POU2F1: variants seen among roughly 807,000 people sequenced by gnomAD.
The protein encoded by POU2F1 is POU domain, class 2, transcription factor 1.
In POU2F1, 16 loss-of-function variants were observed where a neutral mutation model predicts 84.9. That is an observed-to-expected ratio of 0.19 (90% CI 0.13 to 0.29). POU2F1 has a LOEUF of 0.29. POU2F1 is among the 10% of genes least tolerant of loss of function. The pLI is 1.00. For synonymous variants in POU2F1, 368 were observed against 368.3 expected (o/e 1.00, Z 0.01); for missense variants, 738 against 942.6 (o/e 0.78, Z 2.84).
intron 1 of POU2F1, among the ~76,000 whole-genome samples, chr1:167,270,980 A>C (rs1652328301): frequency 6.6e-6 from 1 of 152,224 alleles, no homozygotes; most frequent in Non-Finnish European, 1.5e-5. Flanking sequence ...TATGAAATGA[A>C]TTATTTCTTG....
At chr1:167,415,339 A>G (rs1280434191) in intron 15 of POU2F1, among the ~76,000 whole-genome samples, 161 bp from the exon 16 acceptor site, 1 of 152,204 alleles carries the variant, frequency 6.6e-6, no homozygotes, top group African/African-American at 2.4e-5. Context: ...TACAATTGGT[A>G]TCAATATAGC....
chr1:167,353,276 G>T (rs1658699745), intron 2 of POU2F1, among the ~76,000 whole-genome samples: 1 of 150,374 alleles, frequency 6.7e-6, no homozygotes, highest in Admixed American at 6.6e-5. Flanking sequence ...TGAAAAAATT[G>T]TAGCTGTCTG....
intron 1 of POU2F1, among the ~76,000 whole-genome samples, chr1:167,317,792 G>A (rs905398903): frequency 3.3e-5 from 5 of 152,182 alleles, no homozygotes; most frequent in African/African-American, 1.2e-4. Context: ...AGATTTTGTT[G>A]ATGGCCATTT....
chr1:167,309,339 T>G (rs1232294684), intron 1 of POU2F1, among the ~76,000 whole-genome samples: 1 of 152,238 alleles, frequency 6.6e-6, no homozygotes, highest in Non-Finnish European at 1.5e-5. Flanking sequence ...CCAAAACTTC[T>G]AATTCCAATT....
intron 1 of POU2F1, among the ~76,000 whole-genome samples, chr1:167,247,577 C>A (rs918110035): frequency 1.3e-5 from 2 of 152,096 alleles, no homozygotes; most frequent in African/African-American, 2.4e-5. Flanking sequence ...TACTAGGCTT[C>A]TATCAATTGG....
At chr1:167,329,227 A>T (rs947445857) in intron 1 of POU2F1, 1 of 1,542,836 alleles carries the variant, frequency 6.5e-7, no homozygotes. Context: ...CCAAACTGCT[A>T]CCTGTTTCTT....
intron 2 of POU2F1, among the ~76,000 whole-genome samples, chr1:167,337,059 A>C (rs1214391931): frequency 6.6e-6 from 1 of 152,022 alleles, no homozygotes; most frequent in Non-Finnish European, 1.5e-5. Context: ...GCTACTCTGG[A>C]AGCTGAGGTA....
intron 1 of POU2F1, among the ~76,000 whole-genome samples, chr1:167,249,197 C>G (rs778997634): frequency 4.6e-5 from 7 of 152,282 alleles, no homozygotes; most frequent in East Asian, 3.9e-4. Context: ...CAAGCTTTCC[C>G]TAGTAACCAG....
rs140930737 is a variant in POU2F1, at chr1:167,391,456, G to A, written c.987+1695G>A. On this transcript the variant is annotated intron_variant, in intron 9 of 15. Transcript: ENST00000367866. ...TCAAATTATTTTGTGTTGAAAGTAC[G>A]GTAATGCTCCACCTGGCCTGGTAGG... Among the ~76,000 whole-genome samples the A allele has an allele frequency of 7.3e-3, 1,103 of 151,494 alleles. 6 individuals carry two copies. The highest frequency in any genetic ancestry group is 0.012 in the South Asian group (57 of 4,792).
Position 167,221,559 on chromosome 1 carries a change from G to T in POU2F1, c.61+601G>T, listed in dbSNP as rs1049829669. ...TCTTCCCCCGGGAGCGGGCCCGGGC[G>T]GGGGGGCGCTGCCCGCCTTGGGGGG... On this transcript the variant is annotated intron_variant, in intron 1 of 15. Coordinates refer to ENST00000367866, the MANE Select transcript of POU2F1 (RefSeq NM_002697.4). Among the ~76,000 whole-genome samples the T allele has an allele frequency of 4.0e-5, 6 of 149,596 alleles. No homozygotes were observed. The South Asian group carries it at 8.3e-4, about 21-fold the overall frequency.
At chr1:167,362,612 A>C (rs1393576138) in intron 2 of POU2F1, among the ~76,000 whole-genome samples, 1 of 152,200 alleles carries the variant, frequency 6.6e-6, no homozygotes, top group African/African-American at 2.4e-5. Flanking sequence ...CCTAGGCTCA[A>C]AGGATCCTTC....
intron 15 of POU2F1, chr1:167,414,380 A>T (rs570450623): frequency 1.0e-6 from 1 of 985,426 alleles, no homozygotes; most frequent in South Asian, 4.7e-5. Context: ...ATCTCAGAAA[A>T]ACTTCAAGCT....
At chr1:167,326,588 C>T (rs761723652) in intron 1 of POU2F1, among the ~76,000 whole-genome samples, 3 of 152,160 alleles carry the variant, frequency 2.0e-5, no homozygotes, top group Non-Finnish European at 4.4e-5. Context: ...GCCTTTCCTT[C>T]CCACTGTAGC....
At chr1:167,317,203 T>C (rs1270390068) in intron 1 of POU2F1, among the ~76,000 whole-genome samples, 1 of 152,196 alleles carries the variant, frequency 6.6e-6, no homozygotes, top group Non-Finnish European at 1.5e-5. Context: ...AGAACTCTAA[T>C]ACTAGACAAC....
At chr1:167,324,602 A>G (rs1450105599) in intron 1 of POU2F1, among the ~76,000 whole-genome samples, 1 of 152,216 alleles carries the variant, frequency 6.6e-6, no homozygotes, top group African/African-American at 2.4e-5. Context: ...GAATTTTTAC[A>G]TATTTTATTT....
At chr1:167,264,791 C>T (rs1651824372) in intron 1 of POU2F1, among the ~76,000 whole-genome samples, 1 of 152,144 alleles carries the variant, frequency 6.6e-6, no homozygotes, top group African/African-American at 2.4e-5. Flanking sequence ...CTATTCTAGA[C>T]AGTTACCAGT....
At chr1:167,295,178 G>A (rs1004742661) in intron 1 of POU2F1, among the ~76,000 whole-genome samples, 2 of 151,726 alleles carry the variant, frequency 1.3e-5, no homozygotes, top group South Asian at 2.1e-4. Flanking sequence ...CCACTACAGG[G>A]TATCTACCCA....
At chr1:167,318,094 G>T (rs1390667737) in intron 1 of POU2F1, among the ~76,000 whole-genome samples, 1 of 152,166 alleles carries the variant, frequency 6.6e-6, no homozygotes, top group African/African-American at 2.4e-5. Context: ...GTGTGCCTGG[G>T]ATGCTTTAAG....
chr1:167,366,810 C>T (rs1659708650), intron 3 of POU2F1, among the ~76,000 whole-genome samples: 1 of 151,880 alleles, frequency 6.6e-6, no homozygotes, highest in Non-Finnish European at 1.5e-5. Context: ...CATATTCAAG[C>T]CTCCAGTAAT....
Sources: allele counts gnomAD v4.1 joint callset (sites outside exome capture counted in the v4.1 genomes callset), GRCh38; gene constraint gnomAD v4.1.1; transcripts MANE v1.5; gene names NCBI Gene and HGNC (gene_info 2026-07-23, HGNC 2026-07-21).